Variants in CNTNAP2 observed in about 807,000 individuals in gnomAD.
The protein encoded by CNTNAP2 is contactin associated protein 2.
In CNTNAP2, 98 loss-of-function variants were observed where a neutral mutation model predicts 155.2. The observed-to-expected ratio is 0.63, with a 90% CI of 0.54 to 0.75. The LOEUF is 0.75. Among genes scored for constraint, CNTNAP2 ranks in the 30% least tolerant of loss-of-function variants. CNTNAP2 has a pLI of 0.00. For missense variants in CNTNAP2, 1,727 were observed against 1,688.1 expected, an observed-to-expected ratio of 1.02 and a Z score of -0.40; for synonymous variants, 651 against 631.2, an observed-to-expected ratio of 1.03 and a Z score of -0.47.
In CNTNAP2 at chr7:148,022,670, C is replaced by A. The variant is rs534180611; in HGVS notation, c.2383+44681C>A. On this transcript the variant is annotated intron_variant, in intron 15 of 23. Transcript: ENST00000361727. ...TTTTGTTTTTGTTTTTCCCTTATTA[C>A]TGTTCGTGGAGTGTTTTAGTTTGCT... 2.1e-3 allele frequency among the ~76,000 whole-genome samples: 316 copies of A among 151,370 alleles called. 1 individual carries two copies. Among genetic ancestry groups the A allele is most frequent in the Non-Finnish European group, 3.3e-3 (226 of 67,834 alleles).
intron 1 of CNTNAP2, among the ~76,000 whole-genome samples, chr7:146,224,986 A>G (rs1424191692): frequency 6.6e-6 from 1 of 150,814 alleles, no homozygotes; most frequent in Non-Finnish European, 1.5e-5. Flanking sequence ...GGATGAGAAG[A>G]AAAAAAAAAT....
At chr7:147,478,768 C>G (rs1003215354) in intron 10 of CNTNAP2, among the ~76,000 whole-genome samples, 4 of 152,162 alleles carry the variant, frequency 2.6e-5, no homozygotes, top group African/African-American at 9.7e-5. Context: ...TTAAAGAAAG[C>G]CTGGAAAATA....
At chr7:148,266,110 C>T (rs1796662619) in intron 20 of CNTNAP2, among the ~76,000 whole-genome samples, 1 of 152,168 alleles carries the variant, frequency 6.6e-6, no homozygotes. Context: ...TTGACGTGGC[C>T]CCCATGGGAA....
At chr7:147,430,241 A>G (rs2116526688) in intron 10 of CNTNAP2, among the ~76,000 whole-genome samples, 1 of 152,346 alleles carries the variant, frequency 6.6e-6, no homozygotes, top group Admixed American at 6.5e-5. Flanking sequence ...TGCATTATAT[A>G]TTTAGCTAGA....
chr7:148,022,754 G>A (rs951803001), intron 15 of CNTNAP2, among the ~76,000 whole-genome samples: 1 of 151,822 alleles, frequency 6.6e-6, no homozygotes, highest in Admixed American at 6.6e-5. Flanking sequence ...TAATGCTCTC[G>A]TCTCCCTGGC....
chr7:146,381,824 A>AT (rs1484650296), intron 1 of CNTNAP2, among the ~76,000 whole-genome samples: 9 of 152,190 alleles, frequency 5.9e-5, no homozygotes, highest in South Asian at 2.1e-4. Flanking sequence ...ATACAATCGT[A>AT]TTTTTTTACT....
chr7:146,493,742 A>G (rs696774), intron 1 of CNTNAP2, among the ~76,000 whole-genome samples: 76,336 of 151,870 alleles, frequency 0.5, 19,493 homozygotes, highest in Admixed American at 0.61. Context: ...GTTTATTACT[A>G]AGAAAAAGGA....
At chr7:148,068,446 T>C (rs1206608349) in intron 15 of CNTNAP2, among the ~76,000 whole-genome samples, 1 of 152,244 alleles carries the variant, frequency 6.6e-6, no homozygotes, top group African/African-American at 2.4e-5. Context: ...GATCTGAATT[T>C]ACATGTTCCC....
At chr7:147,626,935 T>G (rs1238044280) in intron 12 of CNTNAP2, among the ~76,000 whole-genome samples, 2 of 152,184 alleles carry the variant, frequency 1.3e-5, no homozygotes, top group Admixed American at 6.5e-5. Context: ...CTGCCACCTC[T>G]ACCAGAGCAG....
chr7:146,464,265 T>G (rs911389669), intron 1 of CNTNAP2, among the ~76,000 whole-genome samples: 1 of 144,774 alleles, frequency 6.9e-6, no homozygotes, highest in Non-Finnish European at 1.5e-5. Flanking sequence ...ACCCTGTCAA[T>G]AGAAGTAAAG....
chr7:147,742,406 T>A (rs1336530264), intron 13 of CNTNAP2, among the ~76,000 whole-genome samples: 2 of 152,188 alleles, frequency 1.3e-5, no homozygotes, highest in Non-Finnish European at 2.9e-5. Context: ...CACCATACAC[T>A]CTCCTAGCTG....
intron 13 of CNTNAP2, among the ~76,000 whole-genome samples, chr7:147,867,095 T>A (rs1799243429): frequency 6.6e-6 from 1 of 152,178 alleles, no homozygotes; most frequent in Admixed American, 6.6e-5. Context: ...ACCGGTTGTT[T>A]CTTTCCATGT....
At chr7:148,218,943 T>TC (rs1268751629) in intron 19 of CNTNAP2, among the ~76,000 whole-genome samples, 1 of 138,274 alleles carries the variant, frequency 7.2e-6, no homozygotes, top group Non-Finnish European at 1.6e-5. Context: ...ACTCTTTTTT[T>TC]TTTTTTTTTT....
chr7:148,030,685 T>C (rs962819932), intron 15 of CNTNAP2, among the ~76,000 whole-genome samples: 1 of 134,962 alleles, frequency 7.4e-6, no homozygotes, highest in African/African-American at 2.5e-5. Context: ...TTTTTTTTTT[T>C]TGGCAGGTGG....
At chr7:147,385,901 C>T (rs565642987) in intron 9 of CNTNAP2, among the ~76,000 whole-genome samples, 1 of 152,342 alleles carries the variant, frequency 6.6e-6, no homozygotes, top group Non-Finnish European at 1.5e-5. Context: ...CATGAGGGTC[C>T]CATCTCTGCA....
chr7:147,213,137 G>A (rs754614634), intron 8 of CNTNAP2, among the ~76,000 whole-genome samples: 26 of 152,204 alleles, frequency 1.7e-4, no homozygotes, highest in Middle Eastern at 3.4e-3. Flanking sequence ...ATTGAAAAAT[G>A]AGAAAAGCTA....
intron 3 of CNTNAP2, among the ~76,000 whole-genome samples, chr7:147,002,153 T>G (rs1383857438): frequency 6.6e-6 from 1 of 151,920 alleles, no homozygotes; most frequent in Non-Finnish European, 1.5e-5. Context: ...AAAGATGCAT[T>G]TATTATATAA....
intron 1 of CNTNAP2, among the ~76,000 whole-genome samples, chr7:146,162,090 A>C (rs2116800791): frequency 6.6e-6 from 1 of 152,356 alleles, no homozygotes; most frequent in Middle Eastern, 3.4e-3. Context: ...ACCATTCAGG[A>C]CATAGGCATG....
intron 1 of CNTNAP2, among the ~76,000 whole-genome samples, chr7:146,720,299 T>C (rs1394365254): frequency 6.6e-6 from 1 of 152,146 alleles, no homozygotes; most frequent in African/African-American, 2.4e-5. Flanking sequence ...TGTAGAGTAG[T>C]ACCTCTTTAC....
Sources: gnomAD v4.1 joint callset for allele counts (sites outside exome capture counted in the v4.1 genomes callset) on GRCh38, gnomAD v4.1.1 for gene constraint, MANE v1.5 for transcripts, NCBI Gene and HGNC (gene_info 2026-07-23, HGNC 2026-07-21) for gene names.